Variants in SCLT1 observed in about 807,000 individuals in gnomAD.
The protein encoded by SCLT1 is sodium channel-associated protein 1.
SCLT1 carries 78 observed loss-of-function variants against 112.8 expected under a neutral mutation model. The ratio of observed to expected loss-of-function variants is 0.69; its 90% CI spans 0.58 to 0.83. SCLT1 has a LOEUF of 0.83. SCLT1 is among the 40% of genes least tolerant of loss of function. The pLI, the probability that SCLT1 is intolerant of heterozygous loss-of-function variation, is 0.00. For synonymous variants in SCLT1, 257 were observed against 254.7 expected (o/e 1.01, Z -0.09); for missense variants, 747 against 770.4 (o/e 0.97, Z 0.36).
intron 5 of SCLT1, among the ~76,000 whole-genome samples, chr4:129,005,599 T>A (rs1429400422): frequency 6.6e-6 from 1 of 152,156 alleles, no homozygotes; most frequent in African/African-American, 2.4e-5. Context: ...ATTGTGGAAG[T>A]CAGTGTGGCA....
At chr4:129,002,638 C>T (rs1743611390) in intron 6 of SCLT1, among the ~76,000 whole-genome samples, 1 of 152,048 alleles carries the variant, frequency 6.6e-6, no homozygotes, top group Admixed American at 6.6e-5. Context: ...TGAACAGACA[C>T]TTCTCAAAAG....
chr4:128,957,161 T>C (rs1391288518), intron 12 of SCLT1, 37 bp from the exon 13 acceptor site: 2 of 1,237,474 alleles, frequency 1.6e-6, no homozygotes, highest in African/African-American at 3.0e-5. Context: ...TAGATAACAT[T>C]ATTATTAGTA....
At chr4:128,898,919 T>A (rs1433685305) in intron 18 of SCLT1, among the ~76,000 whole-genome samples, 1 of 151,904 alleles carries the variant, frequency 6.6e-6, no homozygotes, top group African/African-American at 2.4e-5. Flanking sequence ...AACTAGAAAA[T>A]CTAGAAGAAA....
At chr4:128,913,430 G>A (rs904820534) in intron 18 of SCLT1, among the ~76,000 whole-genome samples, 1 of 152,156 alleles carries the variant, frequency 6.6e-6, no homozygotes, top group Non-Finnish European at 1.5e-5. Context: ...TGGGGGAGGA[G>A]TTGCAAAAAG....
At chr4:129,058,148 G>T (rs1003412299) in intron 2 of SCLT1, among the ~76,000 whole-genome samples, 8 of 152,064 alleles carry the variant, frequency 5.3e-5, no homozygotes, top group Non-Finnish European at 1.0e-4. Context: ...GCCATGGTTT[G>T]TTGTTTATCT....
At chr4:129,081,525 G>C (rs1039562152) in intron 2 of SCLT1, among the ~76,000 whole-genome samples, 5 of 152,316 alleles carry the variant, frequency 3.3e-5, no homozygotes, top group African/African-American at 1.2e-4. Flanking sequence ...TGAAGGGGAA[G>C]CAGGAATGTC....
chr4:128,883,095 G>A (rs1486492425), downstream of SCLT1, among the ~76,000 whole-genome samples: 4 of 144,672 alleles, frequency 2.8e-5, no homozygotes, highest in Non-Finnish European at 3.0e-5. Context: ...GCAGTGAGCC[G>A]AGATCATGCC....
intron 5 of SCLT1, among the ~76,000 whole-genome samples, chr4:129,036,384 C>T (rs1747182842): frequency 6.6e-6 from 1 of 151,966 alleles, no homozygotes; most frequent in Non-Finnish European, 1.5e-5. Flanking sequence ...TTATCTCAAC[C>T]ATAAAATACC....
chr4:129,050,892 A>G (rs1748720275), intron 2 of SCLT1, among the ~76,000 whole-genome samples: 4 of 152,048 alleles, frequency 2.6e-5, no homozygotes, highest in Admixed American at 2.6e-4. Context: ...ATCATGAGAT[A>G]ATTTTTGTAT....
intron 9 of SCLT1, among the ~76,000 whole-genome samples, chr4:128,990,255 A>G (rs968780696): frequency 3.9e-5 from 6 of 152,036 alleles, no homozygotes; most frequent in African/African-American, 1.4e-4. Flanking sequence ...ATTCTTCATG[A>G]TCAAGTGGGA....
Position 128,945,993 on chromosome 4 carries a change from A to G in SCLT1, c.1439+14T>C. ...TGAAGATGTTATCATAGAAAATCCA[A>G]AAGAAAAACTTACTCAGTTTCAAGT... On this transcript the variant is annotated intron_variant, in intron 16 of 20. Transcript: ENST00000281142. 1 of 1,576,296 alleles carries G rather than the reference A, an allele frequency of 6.3e-7. No individual in the cohort carries two copies. Among genetic ancestry groups the G allele is most frequent in the Non-Finnish European group, 8.7e-7 (1 of 1,155,752 alleles).
intron 2 of SCLT1, among the ~76,000 whole-genome samples, chr4:129,051,575 T>C (rs1345468093): frequency 6.6e-6 from 1 of 152,230 alleles, no homozygotes; most frequent in African/African-American, 2.4e-5. Flanking sequence ...ACATTGATTT[T>C]GTATCCTGAG....
At chr4:129,053,308 T>C (rs1287868036) in intron 2 of SCLT1, among the ~76,000 whole-genome samples, 1 of 152,140 alleles carries the variant, frequency 6.6e-6, no homozygotes, top group Non-Finnish European at 1.5e-5. Context: ...CTTATCGATC[T>C]GTCTAATATT....
intron 17 of SCLT1, among the ~76,000 whole-genome samples, chr4:128,940,263 C>T (rs1737570351): frequency 6.6e-6 from 1 of 150,766 alleles, no homozygotes; most frequent in Non-Finnish European, 1.5e-5. Context: ...AACTGGAGTA[C>T]TAGATAGGGA....
At chr4:128,922,378 G>T (rs998214912) in intron 18 of SCLT1, among the ~76,000 whole-genome samples, 2 of 149,400 alleles carry the variant, frequency 1.3e-5, no homozygotes, top group African/African-American at 4.9e-5. Context: ...CTATTCACAA[G>T]AGCAAAATCA....
intron 16 of SCLT1, among the ~76,000 whole-genome samples, chr4:128,943,703 C>T (rs185361006): frequency 4.2e-4 from 64 of 152,134 alleles, no homozygotes; most frequent in Admixed American, 3.9e-4. Context: ...ATAGGTTAAA[C>T]GGATTATATT....
intron 18 of SCLT1, among the ~76,000 whole-genome samples, chr4:128,934,158 A>G (rs901384495): frequency 6.6e-6 from 1 of 151,938 alleles, no homozygotes; most frequent in African/African-American, 2.4e-5. Flanking sequence ...GGTTCATTCA[A>G]AGAAGTCTAG....
chr4:128,910,338 A>C (rs1439096220), intron 18 of SCLT1, among the ~76,000 whole-genome samples: 1 of 152,164 alleles, frequency 6.6e-6, no homozygotes, highest in Non-Finnish European at 1.5e-5. Context: ...GCATCTCTTT[A>C]ATGAAAAGTG....
intron 5 of SCLT1, among the ~76,000 whole-genome samples, chr4:129,007,822 T>C (rs2126097238): frequency 6.6e-6 from 1 of 152,276 alleles, no homozygotes; most frequent in East Asian, 1.9e-4. Context: ...CTCTTTTTGT[T>C]CCTATTCTTT....
Sources: allele counts gnomAD v4.1 joint callset (sites outside exome capture counted in the v4.1 genomes callset), GRCh38; gene constraint gnomAD v4.1.1; transcripts MANE v1.5; gene names NCBI Gene and HGNC (gene_info 2026-07-23, HGNC 2026-07-21).